The following NCAM2 variants were observed in gnomAD, a reference collection of about 807,000 sequenced individuals.
NCAM2 encodes the protein neural cell adhesion molecule 2.
In NCAM2, 30 loss-of-function variants were observed where a neutral mutation model predicts 98.1. The ratio of observed to expected loss-of-function variants is 0.31; its 90% CI spans 0.23 to 0.41. The LOEUF is 0.41. Among genes scored for constraint, NCAM2 ranks in the 10% least tolerant of loss-of-function variants. NCAM2 has a pLI of 1.00. For missense variants in NCAM2, 867 were observed against 1,005.8 expected (o/e 0.86, Z 1.87); for synonymous variants, 368 against 342.4 (o/e 1.07, Z -0.83).
intron 15 of NCAM2, among the ~76,000 whole-genome samples, chr21:21,485,170 G>A (rs1367119493): frequency 6.6e-6 from 1 of 151,936 alleles, no homozygotes; most frequent in Non-Finnish European, 1.5e-5. Context: ...ATGTCTTAAG[G>A]AATAAATGTG....
intron 1 of NCAM2, chr21:21,210,425 T>G (rs1377704126): frequency 1.3e-6 from 1 of 768,998 alleles, no homozygotes; most frequent in African/African-American, 1.9e-5. Context: ...AATACTGAGA[T>G]ATTTAAGAGC....
intron 6 of NCAM2, 148 bp downstream of exon 6, chr21:21,324,648 G>T: frequency 1.6e-6 from 1 of 613,428 alleles, no homozygotes; most frequent in Non-Finnish European, 2.9e-6. Context: ...TGGGGCTTAC[G>T]GTGGTTAGAT....
At chr21:21,479,647 G>T (rs1985646694) in intron 15 of NCAM2, among the ~76,000 whole-genome samples, 1 of 143,830 alleles carries the variant, frequency 7.0e-6, no homozygotes, top group Non-Finnish European at 1.5e-5. Context: ...GTAGACAAAA[G>T]GTTGAAAAAA....
chr21:21,430,463 G>T (rs911554468), intron 11 of NCAM2, among the ~76,000 whole-genome samples: 2 of 144,850 alleles, frequency 1.4e-5, no homozygotes, highest in African/African-American at 2.5e-5. Flanking sequence ...ATAAAGGACA[G>T]AAATTTAATT....
chr21:21,365,377 A>G (rs754456583), intron 8 of NCAM2, among the ~76,000 whole-genome samples: 1 of 151,928 alleles, frequency 6.6e-6, no homozygotes, highest in Non-Finnish European at 1.5e-5. Context: ...CAACTCACCT[A>G]ACAAAGCTTC....
chr21:21,509,202 C>T, intron 16 of NCAM2, 147 bp downstream of exon 16: 2 of 673,516 alleles, frequency 3.0e-6, no homozygotes, highest in Non-Finnish European at 2.5e-6. Context: ...GCTCTCTGAC[C>T]TTGAAACTAT....
intron 16 of NCAM2, among the ~76,000 whole-genome samples, chr21:21,524,544 G>T (rs542242451): frequency 1.3e-5 from 2 of 151,482 alleles, no homozygotes; most frequent in South Asian, 2.1e-4. Context: ...AAAAAAGGGG[G>T]TGTGGGGGGA....
chr21:21,428,328 G>A (rs1432192010), intron 11 of NCAM2, among the ~76,000 whole-genome samples: 1 of 152,158 alleles, frequency 6.6e-6, no homozygotes, highest in African/African-American at 2.4e-5. Context: ...ATTGGGCTGT[G>A]TCTGAAAGTC....
intron 1 of NCAM2, among the ~76,000 whole-genome samples, chr21:21,279,547 C>A (rs188499466): frequency 6.8e-6 from 1 of 147,056 alleles, no homozygotes; most frequent in Non-Finnish European, 1.5e-5. Context: ...TTAGTAGAGA[C>A]GGGGTTTCAC....
At chr21:21,027,290 G>A (rs771764683) in intron 1 of NCAM2, among the ~76,000 whole-genome samples, 3 of 152,118 alleles carry the variant, frequency 2.0e-5, no homozygotes, top group Admixed American at 2.0e-4. Context: ...GCTCATTCAT[G>A]TATTTATTTA....
intron 12 of NCAM2, among the ~76,000 whole-genome samples, chr21:21,456,500 G>A (rs1009890646): frequency 8.6e-5 from 13 of 152,046 alleles, no homozygotes; most frequent in African/African-American, 3.1e-4. Context: ...TGAGAACTCA[G>A]AAACACGTAA....
intron 9 of NCAM2, among the ~76,000 whole-genome samples, chr21:21,403,048 T>C (rs1359058617): frequency 6.6e-6 from 1 of 152,154 alleles, no homozygotes; most frequent in Non-Finnish European, 1.5e-5. Context: ...TTCTTAATGA[T>C]TAGTGATGTG....
At chr21:21,392,468 G>T (rs1233232512) in intron 9 of NCAM2, among the ~76,000 whole-genome samples, 1 of 152,196 alleles carries the variant, frequency 6.6e-6, no homozygotes, top group Non-Finnish European at 1.5e-5. Context: ...TATATACCCA[G>T]TAATGGGATT....
intron 4 of NCAM2, among the ~76,000 whole-genome samples, chr21:21,290,792 C>T (rs369840827): frequency 1.7e-4 from 26 of 151,894 alleles, no homozygotes; most frequent in African/African-American, 5.1e-4. Flanking sequence ...TTTCTAGCCC[C>T]GACTTCTCCC....
At chr21:21,369,077 G>A (rs232507) in intron 8 of NCAM2, among the ~76,000 whole-genome samples, 54,247 of 151,376 alleles carry the variant, frequency 0.36, 9,921 homozygotes, top group East Asian at 0.58. Flanking sequence ...TGGATCATTT[G>A]ATCACTTCTT....
chr21:21,535,304 T>A (rs1312621437), intron 17 of NCAM2, among the ~76,000 whole-genome samples: 1 of 152,128 alleles, frequency 6.6e-6, no homozygotes, highest in African/African-American at 2.4e-5. Context: ...TACAAAGTAG[T>A]AATAGTAGTA....
At chr21:21,281,608 A>T (rs547429453) in intron 2 of NCAM2, among the ~76,000 whole-genome samples, 2 of 152,176 alleles carry the variant, frequency 1.3e-5, no homozygotes, top group Admixed American at 1.3e-4. Flanking sequence ...CTGACAAATG[A>T]ATGCATTATT....
chr21:21,505,380 T>C (rs1388361206), intron 15 of NCAM2, among the ~76,000 whole-genome samples: 1 of 152,106 alleles, frequency 6.6e-6, no homozygotes, highest in East Asian at 1.9e-4. Context: ...AATCCAATCA[T>C]GCTGGTACCT....
intron 1 of NCAM2, among the ~76,000 whole-genome samples, chr21:21,064,179 G>A (rs1199622581): frequency 2.0e-5 from 3 of 152,174 alleles, no homozygotes; most frequent in African/African-American, 7.2e-5. Flanking sequence ...TGAGGCTGGA[G>A]ATATTGGTGG....
Sources: gnomAD v4.1 joint callset for allele counts (sites outside exome capture counted in the v4.1 genomes callset) on GRCh38, gnomAD v4.1.1 for gene constraint, MANE v1.5 for transcripts, NCBI Gene and HGNC (gene_info 2026-07-23, HGNC 2026-07-21) for gene names.